Variants in CREG1 observed in about 807,000 individuals in gnomAD.
The protein encoded by CREG1 is cellular repressor of E1A stimulated genes 1.
A neutral mutation model predicts 19.9 loss-of-function variants in CREG1; 20 were observed. The observed-to-expected ratio is 1.01, with a 90% confidence interval of 0.71 to 1.46. The LOEUF (loss-of-function observed/expected upper bound fraction) is 1.46, where lower values mean the gene tolerates loss of function less well. Ranked by LOEUF, CREG1 falls within the 40% of genes most tolerant of loss-of-function variation. The probability of loss-of-function intolerance (pLI) is 0.00; values close to 1 mark genes in which losing one functional copy is unlikely to be tolerated. For missense variants in CREG1, 290 were observed against 314.9 expected, an observed-to-expected ratio of 0.92 and a Z score of 0.60; for synonymous variants, 141 against 143.3, an observed-to-expected ratio of 0.98 and a Z score of 0.12.
At chr1:167,551,824 G>A (rs1051314086) in intron 1 of CREG1, among the ~76,000 whole-genome samples, 1 of 152,184 alleles carries the variant, frequency 6.6e-6, no homozygotes, top group African/African-American at 2.4e-5. Context: ...TTTGTTTTGA[G>A]CAAACGCCTA....
In CREG1 at chr1:167,549,128, G is replaced by A. The variant is rs1571626786; in HGVS notation, c.355-1007C>T. On this transcript the variant is annotated intron_variant, in intron 1 of 3. Transcript: ENST00000370509. ...GGAGACACTGACTGCAAAAAACACA[G>A]AACTGGGTGAGCCTAAGACTTGATG... Among the ~76,000 whole-genome samples, 3 of 152,306 alleles carry A rather than the reference G, an allele frequency of 2.0e-5. 1 individual carries two copies. Among genetic ancestry groups the A allele is most frequent in the East Asian group, 1.9e-4 (1 of 5,192 alleles).
intron 3 of CREG1, among the ~76,000 whole-genome samples, chr1:167,542,614 CTGT>C (rs1398420513): frequency 2.0e-5 from 3 of 152,340 alleles, no homozygotes; most frequent in South Asian, 2.1e-4. Flanking sequence ...GCCGTGGCTG[CTGT>C]TGTTATCTCA....
chr1:167,542,440 C>T (rs1268853809), intron 3 of CREG1, 139 bp from the exon 4 acceptor site: 2 of 775,688 alleles, frequency 2.6e-6, no homozygotes, highest in African/African-American at 1.8e-5. Context: ...CTAGAATATA[C>T]TAAATAACCA....
Position 167,542,085 on chromosome 1 carries a change from G to GA in CREG1, c.*212dup, listed in dbSNP as rs1656236881. The GA allele has an allele frequency of 2.2e-6, 1 of 456,420 alleles. No individual in the cohort carries two copies. Among genetic ancestry groups the GA allele is most frequent in the Admixed American group, 3.7e-5 (1 of 27,192 alleles). The allele number at this position is 456,420 out of a possible 1,614,324, so 28.3% of individuals were successfully genotyped here. A position where few individuals can be genotyped will look rare whatever the true frequency, so the allele number is the denominator to read the frequency against. On this transcript the variant is annotated 3_prime_UTR_variant, in exon 4 of 4. Coordinates refer to ENST00000370509, the MANE Select transcript of CREG1 (RefSeq NM_003851.3). ...CTCTACGAAAATGGCTTCAAAATAG[G>GA]AAAAAAGTAGCTACCACATCTTCCA...
chr1:167,546,963 G>A (rs1458767692), intron 2 of CREG1, among the ~76,000 whole-genome samples: 2 of 152,220 alleles, frequency 1.3e-5, no homozygotes, highest in African/African-American at 4.8e-5. Context: ...ACATACAGAT[G>A]AATGTACTGA....
rs989577316 is a variant in CREG1, at chr1:167,553,703, G to A, written c.39C>T (p.Leu13=). Residue 13 remains leucine, a synonymous_variant, in exon 1 of 4, where the codon CTC becomes CTT. Coordinates refer to ENST00000370509, the MANE Select transcript of CREG1 (RefSeq NM_003851.3). ...ACAGCGTCGACGCCAGCAGGGCGGCGAGCAGTGCGCGCGCGGACCCGCGGG... is the reference window on the plus strand; with the variant it reads ...ACAGCGTCGACGCCAGCAGGGCGGCAAGCAGTGCGCGCGCGGACCCGCGGG... ...GLSRGSARAL[L]AALLASTLLA... is the part of the protein sequence containing the mutation. 3 of 1,307,592 alleles carry A rather than the reference G, an allele frequency of 2.3e-6. No homozygotes were observed. Among genetic ancestry groups the A allele is most frequent in the Admixed American group, 4.1e-5 (1 of 24,204 alleles). The allele number at this position is 1,307,592 out of a possible 1,614,324, so 81.0% of individuals were successfully genotyped here.
Position 167,553,513 on chromosome 1 carries a change from G to C in CREG1, c.229C>G (p.Leu77Val). ...DWGALATIST[L>V]EAVRGRPFAD... Reference sequence around the variant, plus strand: ...AAGGGCCGGCCGCGCACCGCCTCCAGCGTGGAGATGGTGGCCAGAGCGCCC... The same window carrying C: ...AAGGGCCGGCCGCGCACCGCCTCCACCGTGGAGATGGTGGCCAGAGCGCCC... The change falls in exon 1 of 4, where the codon CTG becomes GTG. Residue 77 changes from leucine (L) to valine (V), a missense_variant. Transcript: ENST00000370509. 6.7e-7 allele frequency: 1 copy of C among 1,489,874 alleles called. No homozygotes were observed. Among genetic ancestry groups the C allele is most frequent in the Non-Finnish European group, 8.9e-7 (1 of 1,127,516 alleles). 92.3% of individuals were successfully genotyped at this position (1,489,874 alleles called of 1,614,324 possible).
intron 2 of CREG1, among the ~76,000 whole-genome samples, chr1:167,547,037 T>C (rs1407935888): frequency 6.6e-6 from 1 of 152,274 alleles, no homozygotes; most frequent in East Asian, 1.9e-4. Flanking sequence ...CTCCATCTTT[T>C]TCCTGCCAGT....
At position 167,546,322 on chromosome 1, in the gene CREG1, GTAACACT is replaced by G. The variant is rs770440196; in HGVS notation, c.475-44_475-38del. 12 of 1,347,870 alleles carry G rather than the reference GTAACACT, an allele frequency of 8.9e-6. No homozygotes were observed. The South Asian group carries it at 1.5e-4, about 16-fold the overall frequency. 83.5% of individuals were successfully genotyped at this position (1,347,870 alleles called of 1,614,324 possible). On this transcript the variant is annotated intron_variant, in intron 2 of 3. Coordinates refer to ENST00000370509, the MANE Select transcript of CREG1 (RefSeq NM_003851.3). ...ATATGAAATAAACATTCTTATGGCA[GTAACACT>G]TTATCTTCTCATTTGTTAAGAATGT...
At chr1:167,548,402 G>C (rs1156471220) in intron 1 of CREG1, among the ~76,000 whole-genome samples, 1 of 152,178 alleles carries the variant, frequency 6.6e-6, no homozygotes, top group Non-Finnish European at 1.5e-5. Flanking sequence ...ATATTCATCA[G>C]AAGAATTATA....
rs1656214233 is a variant in CREG1, at chr1:167,541,067, A to G, written c.*1231T>C. On this transcript the variant is annotated 3_prime_UTR_variant, in exon 4 of 4. Transcript: ENST00000370509. ...ATGCTTTGAATAAGAAGTCCATTTT[A>G]CTAAATTTAGTATAAATTATTTTTC... The G allele has an allele frequency of 6.6e-6, 1 of 152,242 alleles. No individual in the cohort carries two copies. Among genetic ancestry groups the G allele is most frequent in the African/African-American group, 2.4e-5 (1 of 41,472 alleles). The allele number at this position is 152,242 out of a possible 1,614,324, so 9.4% of individuals were successfully genotyped here. A position where few individuals can be genotyped will look rare whatever the true frequency, so the allele number is the denominator to read the frequency against.
At position 167,553,454 on chromosome 1, in the gene CREG1, C is replaced by CG; in HGVS notation, c.287dup (p.Ala98ArgfsTer44). On this transcript the variant is annotated frameshift_variant, in exon 1 of 4. Coordinates refer to ENST00000370509, the MANE Select transcript of CREG1 (RefSeq NM_003851.3). LOFTEE classifies it high-confidence loss of function. The stretch of plus-strand genomic sequence containing the variant: ...AATAGGGCACGCCGCTGCCCGCGCC[C>CG]GGGGGCCCGTCGCTGAGCGAGAGGA... 2 of 1,481,702 alleles carry CG rather than the reference C, an allele frequency of 1.3e-6. No homozygotes were observed. The highest frequency in any genetic ancestry group is 8.9e-7 in the Non-Finnish European group (1 of 1,123,262). 91.8% of individuals were successfully genotyped at this position (1,481,702 alleles called of 1,614,324 possible).
chr1:167,547,057 T>TG (rs1656341424), intron 2 of CREG1, among the ~76,000 whole-genome samples: 1 of 152,208 alleles, frequency 6.6e-6, no homozygotes, highest in Admixed American at 6.5e-5. Flanking sequence ...TGAAGGACAC[T>TG]CAACTACAGA....
Position 167,546,604 on chromosome 1 carries a change from T to G in CREG1, c.475-319A>C, listed in dbSNP as rs1279564854. Reference sequence around the variant, plus strand: ...TTGCGGTGAGCCGAGATCGTGCCACTGCACTCCAGCCTGCATGACAGAGCA... The same window carrying G: ...TTGCGGTGAGCCGAGATCGTGCCACGGCACTCCAGCCTGCATGACAGAGCA... On this transcript the variant is annotated intron_variant, in intron 2 of 3. Coordinates refer to ENST00000370509, the MANE Select transcript of CREG1 (RefSeq NM_003851.3). 4.6e-5 allele frequency among the ~76,000 whole-genome samples: 7 copies of G among 151,900 alleles called. No individual in the cohort carries two copies. In the East Asian group the frequency reaches 1.3e-3, roughly 29 times the overall value.
intron 3 of CREG1, among the ~76,000 whole-genome samples, chr1:167,544,396 CA>C (rs1315672567): frequency 6.6e-6 from 1 of 152,052 alleles, no homozygotes; most frequent in Admixed American, 6.6e-5. Context: ...AATTGTTCTA[CA>C]ATTGAAAAAG....
At chr1:167,551,212 C>G (rs902841532) in intron 1 of CREG1, among the ~76,000 whole-genome samples, 5 of 152,296 alleles carry the variant, frequency 3.3e-5, no homozygotes, top group Non-Finnish European at 7.3e-5. Flanking sequence ...TTACAGAGGA[C>G]AGGTATTTTA....
At position 167,541,083 on chromosome 1, in the gene CREG1, A is replaced by G. The variant is rs1408730978; in HGVS notation, c.*1215T>C. The G allele has an allele frequency of 2.6e-5, 4 of 152,260 alleles. No homozygotes were observed. The highest frequency in any genetic ancestry group is 4.4e-5 in the Non-Finnish European group (3 of 68,044). 9.4% of individuals were successfully genotyped at this position (152,260 alleles called of 1,614,324 possible). A position where few individuals can be genotyped will look rare whatever the true frequency, so the allele number is the denominator to read the frequency against. ...GTCCATTTTACTAAATTTAGTATAA[A>G]TTATTTTTCTTAAACAGAACCTGTT... On this transcript the variant is annotated 3_prime_UTR_variant, in exon 4 of 4. Coordinates refer to ENST00000370509, the MANE Select transcript of CREG1 (RefSeq NM_003851.3).
Position 167,542,247 on chromosome 1 carries a change from G to A in CREG1, c.*51C>T. 1 of 1,562,412 alleles carries A rather than the reference G, an allele frequency of 6.4e-7. No individual in the cohort carries two copies. The highest frequency in any genetic ancestry group is 8.7e-7 in the Non-Finnish European group (1 of 1,151,558). On this transcript the variant is annotated 3_prime_UTR_variant, in exon 4 of 4. Transcript: ENST00000370509. ...AACATTAAGCCTTTTAAGTGTGTAT[G>A]AGCCACTTTAAGAAACTTCATAAGT...
rs1353870415 is a variant in CREG1, at chr1:167,549,656, T to C, written c.355-1535A>G. On this transcript the variant is annotated intron_variant, in intron 1 of 3. Coordinates refer to ENST00000370509, the MANE Select transcript of CREG1 (RefSeq NM_003851.3). ...CCTCGGCCTCCCAAAGTGCTGGGAT[T>C]ACAGGCGTGAGACACCGCACCTGGC... Among the ~76,000 whole-genome samples, 5 of 152,124 alleles carry C rather than the reference T, an allele frequency of 3.3e-5. No individual in the cohort carries two copies. The East Asian group carries it at 9.7e-4, about 29-fold the overall frequency.
Sources: gnomAD v4.1 joint callset for allele counts (sites outside exome capture counted in the v4.1 genomes callset) on GRCh38, gnomAD v4.1.1 for gene constraint, MANE v1.5 for transcripts, NCBI Gene and HGNC (gene_info 2026-07-23, HGNC 2026-07-21) for gene names.